The following FAM83H variants were observed in gnomAD, a reference collection of about 807,000 sequenced individuals.
FAM83H encodes protein FAM83H.
Under a neutral mutation model 30.2 loss-of-function variants are expected in FAM83H, and 24 were observed. That is an observed-to-expected ratio of 0.79 (90% CI 0.57 to 1.12). The LOEUF (loss-of-function observed/expected upper bound fraction) is 1.12. Among genes scored for constraint, FAM83H ranks in the 50% most tolerant of loss-of-function variants. The pLI, the probability that FAM83H is intolerant of heterozygous loss-of-function variation, is 0.00. For synonymous variants in FAM83H, 1,013 were observed against 821.7 expected, an observed-to-expected ratio of 1.23 and a Z score of -3.98; for missense variants, 2,038 against 1,773.9, an observed-to-expected ratio of 1.15 and a Z score of -2.67.
In FAM83H at chr8:143,724,911, G is replaced by GCC. The variant is rs1818220984; in HGVS notation, c.*1008_*1009dup. ...AGGAGATGGCAGACCTGGCCAAGGC[G>GCC]CCCCTTCGGGCTTCCCTGTGTCCCG... On this transcript the variant is annotated 3_prime_UTR_variant, in exon 5 of 5. Transcript: ENST00000388913. The GCC allele has an allele frequency of 6.6e-6, 1 of 152,350 alleles. No individual in the cohort carries two copies. The highest frequency in any genetic ancestry group is 1.5e-5 in the Non-Finnish European group (1 of 68,254). The allele number at this position is 152,350 out of a possible 1,614,324, so 9.4% of individuals were successfully genotyped here. A position where few individuals can be genotyped will look rare whatever the true frequency, so the allele number is the denominator to read the frequency against.
Position 143,728,600 on chromosome 8 carries a change from C to A in FAM83H, c.861G>T (p.Ser287=). 6.2e-7 allele frequency: 1 copy of A among 1,608,884 alleles called. No homozygotes were observed. The stretch of plus-strand genomic sequence containing the variant: ...CGTCCATGCGGGCCAGGGCCGCGGC[C>A]GAGGGCACAAGCGGCTCGGACTGCG... The part of the protein sequence containing the change: ...LFAQSEPLVP[S]AAALARMDAY... The change falls in exon 5 of 5, where the codon TCG becomes TCT. Residue 287 remains serine, a synonymous_variant. Coordinates refer to ENST00000388913, the MANE Select transcript of FAM83H (RefSeq NM_198488.5).
chr8:143,727,748 C>G lies in FAM83H; in HGVS notation c.1713G>C (p.Gly571=). 1 of 1,506,360 alleles carries G rather than the reference C, an allele frequency of 6.6e-7. No homozygotes were observed. The highest frequency in any genetic ancestry group is 8.8e-7 in the Non-Finnish European group (1 of 1,135,200). 93.3% of individuals were successfully genotyped at this position (1,506,360 alleles called of 1,614,324 possible). The change falls in exon 5 of 5, where the codon GGG becomes GGC. Residue 571 remains glycine, a synonymous_variant. Coordinates refer to ENST00000388913, the MANE Select transcript of FAM83H (RefSeq NM_198488.5). ...APEAEPERRG[G]PEGRAGLRRW... ...GCCGCAGCCCTGCCCGCCCCTCGGGCCCGCCCCTGCGCTCCGGCTCCGCCT... is the reference window on the plus strand; with the variant it reads ...GCCGCAGCCCTGCCCGCCCCTCGGGGCCGCCCCTGCGCTCCGGCTCCGCCT...
Position 143,725,859 on chromosome 8 carries a change from G to A in FAM83H, c.*62C>T. 1 of 1,590,556 alleles carries A rather than the reference G, an allele frequency of 6.3e-7. No homozygotes were observed. Among genetic ancestry groups the A allele is most frequent in the South Asian group, 1.1e-5 (1 of 88,712 alleles). ...ATGAGCAGGGCTCTCTGTTCCGCGG[G>A]GCTTCTGGATGACCGGGGCAGCGAT... is the stretch of plus-strand genomic sequence containing the variant. On this transcript the variant is annotated 3_prime_UTR_variant, in exon 5 of 5. Coordinates refer to ENST00000388913, the MANE Select transcript of FAM83H (RefSeq NM_198488.5).
rs1554621636 is a variant in FAM83H, at chr8:143,726,235, C to T, written c.3226G>A (p.Ala1076Thr). 1.9e-6 allele frequency: 3 copies of T among 1,612,300 alleles called. No individual in the cohort carries two copies. Among genetic ancestry groups the T allele is most frequent in the Non-Finnish European group, 2.5e-6 (3 of 1,179,724 alleles). ...ATATCTGGGGCCAGGACGCCAGCAG[C>T]CGGTGGACGGCCTAGCTCGGGGCTG... ...HNSPELGRPP[A>T]AGVLAPDMSD... The change falls in exon 5 of 5, where the codon GCT becomes ACT. Residue 1076 changes from alanine (A) to threonine (T), a missense_variant. Coordinates refer to ENST00000388913, the MANE Select transcript of FAM83H (RefSeq NM_198488.5).
Position 143,727,031 on chromosome 8 carries a change from T to C in FAM83H, c.2430A>G (p.Gly810=), listed in dbSNP as rs1554622260. Residue 810 remains glycine, a synonymous_variant, in exon 5 of 5, where the codon GGA becomes GGG. Coordinates refer to ENST00000388913, the MANE Select transcript of FAM83H (RefSeq NM_198488.5). ...GCTGCGCCGCGGTGAGCGACGCGGCTCCCGGCTGCCGCTCCGCCTCCTGGT... is the reference window on the plus strand; with the variant it reads ...GCTGCGCCGCGGTGAGCGACGCGGCCCCCGGCTGCCGCTCCGCCTCCTGGT... ...QLHQEAERQP[G]AASLTAAQLL... 2 of 1,558,876 alleles carry C rather than the reference T, an allele frequency of 1.3e-6. No individual in the cohort carries two copies. Among genetic ancestry groups the C allele is most frequent in the South Asian group, 1.2e-5 (1 of 86,630 alleles).
In FAM83H at chr8:143,727,400, G is replaced by C; in HGVS notation, c.2061C>G (p.Ile687Met). 2.5e-6 allele frequency: 4 copies of C among 1,572,696 alleles called. No homozygotes were observed. The highest frequency in any genetic ancestry group is 3.4e-6 in the Non-Finnish European group (4 of 1,167,424). ...CGCCCTCGGCCTGTGACGTGCTGAAGATGAGCGAGGAGCGCAGCCTGGAGC... is the reference window on the plus strand; with the variant it reads ...CGCCCTCGGCCTGTGACGTGCTGAACATGAGCGAGGAGCGCAGCCTGGAGC... ...QRSSRLRSSLIFSTSQAEGAA... is the reference protein window; with the variant it reads ...QRSSRLRSSLMFSTSQAEGAA... The change falls in exon 5 of 5, where the codon ATC becomes ATG. Residue 687 changes from isoleucine to methionine, a missense_variant. Ile to Met is a conservative substitution (Grantham distance 10). Transcript: ENST00000388913.
intron 1 of FAM83H, chr8:143,732,465 C>A: frequency 1.0e-6 from 1 of 985,368 alleles, no homozygotes; most frequent in Non-Finnish European, 1.2e-6. Flanking sequence ...GGGAACAACC[C>A]TGCTGATGTT....
Position 143,731,598 on chromosome 8 carries a change from C to T in FAM83H, c.-15-1001G>A, listed in dbSNP as rs142349565. The T allele has an allele frequency of 5.7e-4, 563 of 985,466 alleles. 3 individuals carry two copies. In the African/African-American group the frequency reaches 9.2e-3, roughly 16 times the overall value. The allele number at this position is 985,466 out of a possible 1,614,324, so 61.0% of individuals were successfully genotyped here. On this transcript the variant is annotated intron_variant, in intron 1 of 4. Coordinates refer to ENST00000388913, the MANE Select transcript of FAM83H (RefSeq NM_198488.5). ...CTCCTTCCCTTGGCCTACCTTTGAC[C>T]TCTTTCTTGTCACTGTCCCTCTCAG...
At position 143,725,596 on chromosome 8, in the gene FAM83H, G is replaced by A. The variant is rs3934951; in HGVS notation, c.*325C>T. 2.1e-6 allele frequency: 1 copy of A among 480,790 alleles called. No homozygotes were observed. The highest frequency in any genetic ancestry group is 2.4e-5 in the South Asian group (1 of 41,218). 29.8% of individuals were successfully genotyped at this position (480,790 alleles called of 1,614,324 possible). On this transcript the variant is annotated 3_prime_UTR_variant, in exon 5 of 5. Transcript: ENST00000388913. ...TAGGTCTCAAAAAAATAAAGGGGGC[G>A]GGGGGGACTGAGGCACAAAGAGATG...
chr8:143,730,168 C>T lies in FAM83H; in HGVS notation c.415G>A (p.Glu139Lys). 1 of 1,600,730 alleles carries T rather than the reference C, an allele frequency of 6.2e-7. No homozygotes were observed. The highest frequency in any genetic ancestry group is 1.1e-5 in the South Asian group (1 of 89,838). Residue 139 changes from glutamate to lysine, a missense_variant, in exon 2 of 5, where the codon GAG (glutamate) becomes AAG (lysine). Glu to Lys is a moderately conservative substitution (Grantham distance 56). Coordinates refer to ENST00000388913, the MANE Select transcript of FAM83H (RefSeq NM_198488.5). Reference protein sequence around the residue: ...PPPDSPSIKDEARRMIRSAQQ... With the variant: ...PPPDSPSIKDKARRMIRSAQQ... The stretch of plus-strand genomic sequence containing the variant: ...GCGGAACGGATCATCCTGCGGGCCT[C>T]ATCCTTGATACTGGGGCTGTCGGGG...
chr8:143,731,298 G>C (rs951412177), intron 1 of FAM83H: 2 of 982,394 alleles, frequency 2.0e-6, no homozygotes, highest in Non-Finnish European at 2.4e-6. Context: ...CTGCCTGGGA[G>C]ACTGTGGGTA....
chr8:143,727,755 C>G lies in FAM83H; in HGVS notation c.1706G>C (p.Arg569Thr). The change falls in exon 5 of 5, where the codon AGG (arginine) becomes ACG (threonine). Residue 569 changes from arginine to threonine, a missense_variant. Physicochemically the swap from Arg to Thr is moderately conservative, Grantham distance 71. Transcript: ENST00000388913. ...CCCTGCCCGCCCCTCGGGCCCGCCCCTGCGCTCCGGCTCCGCCTCGGGAGC... is the reference window on the plus strand; with the variant it reads ...CCCTGCCCGCCCCTCGGGCCCGCCCGTGCGCTCCGGCTCCGCCTCGGGAGC... ...DPAPEAEPER[R>T]GGPEGRAGLR... 6.7e-7 allele frequency: 1 copy of G among 1,492,080 alleles called. No homozygotes were observed. Among genetic ancestry groups the G allele is most frequent in the Non-Finnish European group, 8.9e-7 (1 of 1,128,480 alleles). The allele number at this position is 1,492,080 out of a possible 1,614,324, so 92.4% of individuals were successfully genotyped here.
rs782748080 is a variant in FAM83H at position 143,726,481 on chromosome 8, C to T, written c.2980G>A (p.Gly994Ser). 3.7e-6 allele frequency: 6 copies of T among 1,604,402 alleles called. No individual in the cohort carries two copies. The highest frequency in any genetic ancestry group is 5.1e-6 in the Non-Finnish European group (6 of 1,178,884). Residue 994 changes from glycine to serine, a missense_variant, in exon 5 of 5, where the codon GGC becomes AGC. Gly to Ser is a moderately conservative substitution (Grantham distance 56). Coordinates refer to ENST00000388913, the MANE Select transcript of FAM83H (RefSeq NM_198488.5). ...EGGFPVPQEN[G>S]QPESPRRLSL... ...AGACGCCGCGGGCTCTCGGGTTGGC[C>T]GTTCTCCTGCGGCACTGGGAAGCCA...
rs782700552 is a variant in FAM83H, at chr8:143,724,317, T to C, written c.*1604A>G. The C allele has an allele frequency of 1.3e-5, 2 of 152,214 alleles. No homozygotes were observed. The highest frequency in any genetic ancestry group is 2.9e-5 in the Non-Finnish European group (2 of 68,042). The allele number at this position is 152,214 out of a possible 1,614,324, so 9.4% of individuals were successfully genotyped here. A position where few individuals can be genotyped will look rare whatever the true frequency, so the allele number is the denominator to read the frequency against. On this transcript the variant is annotated 3_prime_UTR_variant, in exon 5 of 5. Coordinates refer to ENST00000388913, the MANE Select transcript of FAM83H (RefSeq NM_198488.5). The stretch of plus-strand genomic sequence containing the variant: ...GAACTGCTGCCTTTGTTTGGCGGCC[T>C]TGTTTCTTAAATCAGTTCCCTCTTA...
At position 143,728,309 on chromosome 8, in the gene FAM83H, G is replaced by A. The variant is rs782024352; in HGVS notation, c.1152C>T (p.Ala384=). 3.5e-6 allele frequency: 5 copies of A among 1,439,300 alleles called. No individual in the cohort carries two copies. Among genetic ancestry groups the A allele is most frequent in the Admixed American group, 3.2e-5 (1 of 31,288 alleles). 89.2% of individuals were successfully genotyped at this position (1,439,300 alleles called of 1,614,324 possible). Residue 384 remains alanine, a synonymous_variant, in exon 5 of 5, where the codon GCC becomes GCT. Coordinates refer to ENST00000388913, the MANE Select transcript of FAM83H (RefSeq NM_198488.5). ...CGCCCGCGAGCTCCCCAGCCGGCCCGGCCTCGGCCTCCAGGCGCCGCGAGA... is the reference window on the plus strand; with the variant it reads ...CGCCCGCGAGCTCCCCAGCCGGCCCAGCCTCGGCCTCCAGGCGCCGCGAGA... ...RPLSRRLEAE[A]GPAGELAGAR... is the part of the protein sequence containing the mutation.
rs1248957791 is a variant in FAM83H at position 143,725,697 on chromosome 8, C to G, written c.*224G>C. ...GCTGAGGGGAGAAAGGCACTGGTGG[C>G]GAGGGGTGCAGCCCCAGCGTTGGGG... On this transcript the variant is annotated 3_prime_UTR_variant, in exon 5 of 5. Coordinates refer to ENST00000388913, the MANE Select transcript of FAM83H (RefSeq NM_198488.5). The G allele has an allele frequency of 1.5e-6, 1 of 666,256 alleles. No homozygotes were observed. Among genetic ancestry groups the G allele is most frequent in the Non-Finnish European group, 2.5e-6 (1 of 397,706 alleles). 41.3% of individuals were successfully genotyped at this position (666,256 alleles called of 1,614,324 possible).
In FAM83H at chr8:143,726,446, G is replaced by A. The variant is rs1554621794; in HGVS notation, c.3015C>T (p.Gly1005=). The A allele has an allele frequency of 3.2e-5, 51 of 1,602,926 alleles. No individual in the cohort carries two copies. The highest frequency in any genetic ancestry group is 4.2e-5 in the Non-Finnish European group (49 of 1,177,524). ...QPESPRRLSL[G]QGDSTEAATE... ...TGGCAGCCTCCGTGCTGTCACCCTGGCCCAGTGACAGACGCCGCGGGCTCT... is the reference window on the plus strand; with the variant it reads ...TGGCAGCCTCCGTGCTGTCACCCTGACCCAGTGACAGACGCCGCGGGCTCT... The change falls in exon 5 of 5, where the codon GGC becomes GGT. Residue 1005 remains glycine, a synonymous_variant. Transcript: ENST00000388913.
chr8:143,728,894 G>A, intron 4 of FAM83H, 73 bp downstream of exon 4: 2 of 1,609,180 alleles, frequency 1.2e-6, no homozygotes, highest in Non-Finnish European at 1.7e-6. Flanking sequence ...GGAGGGCCCT[G>A]GTGTGGAAAG....
intron 1 of FAM83H, chr8:143,732,464 CCTG>C: frequency 1.0e-6 from 1 of 985,368 alleles, no homozygotes; most frequent in South Asian, 4.7e-5. Context: ...GGGGAACAAC[CCTG>C]CTGATGTTGT....
Sources: allele counts gnomAD v4.1 joint callset, GRCh38; gene constraint gnomAD v4.1.1; transcripts MANE v1.5; gene names NCBI Gene and HGNC (gene_info 2026-07-23, HGNC 2026-07-21).